The following GSDMC variants were observed in gnomAD, a reference collection of about 807,000 sequenced individuals.
The protein encoded by GSDMC is gasdermin-C.
Under a neutral mutation model 58.0 loss-of-function variants are expected in GSDMC, and 59 were observed. That is an observed-to-expected ratio of 1.02 (90% CI 0.82 to 1.26). The LOEUF is 1.26. GSDMC is among the 50% of genes most tolerant of loss of function. The pLI, the probability that GSDMC is intolerant of heterozygous loss-of-function variation, is 0.00. For missense variants in GSDMC, 659 were observed against 598.5 expected (o/e 1.10, Z -1.06); for synonymous variants, 241 against 220.2 (o/e 1.09, Z -0.83).
chr8:129,748,509 C>G lies in GSDMC; in HGVS notation c.1519G>C (p.Glu507Gln). 1 of 1,605,362 alleles carries G rather than the reference C, an allele frequency of 6.2e-7. No homozygotes were observed. The highest frequency in any genetic ancestry group is 1.7e-5 in the Admixed American group (1 of 59,288). ...GTLSLLQQLAEA is the reference protein window; with the variant it reads ...GTLSLLQQLAQA ...TGCCCATCAGGGAGGGCTTAGGCCTCAGCCAGCTGCTGCAGCAACGAGAGA... is the reference window on the plus strand; with the variant it reads ...TGCCCATCAGGGAGGGCTTAGGCCTGAGCCAGCTGCTGCAGCAACGAGAGA... The change falls in exon 14 of 14, where the codon GAG becomes CAG. Residue 507 changes from glutamate to glutamine, a missense_variant. Glu to Gln is a conservative substitution (Grantham distance 29). Transcript: ENST00000276708.
the GSDMC span, among the ~76,000 whole-genome samples, chr8:129,705,809 G>C: frequency 6.6e-6 from 1 of 152,182 alleles, no homozygotes; most frequent in African/African-American, 2.4e-5. Flanking sequence ...GTAGAAGAGA[G>C]GGGGCATAGA....
the GSDMC span, among the ~76,000 whole-genome samples, chr8:129,710,696 T>C: frequency 2.6e-5 from 4 of 152,234 alleles, no homozygotes; most frequent in Non-Finnish European, 4.4e-5. Flanking sequence ...AACTCAAGAA[T>C]GTCCCTTGAT....
At chr8:129,729,974 C>T in the GSDMC span, 12 of 1,513,262 alleles carry the variant, frequency 7.9e-6, no homozygotes, top group Middle Eastern at 2.4e-4. Flanking sequence ...CATGTAAATA[C>T]CATGGACAGT....
chr8:129,716,031 A>G, the GSDMC span, among the ~76,000 whole-genome samples: 2 of 152,200 alleles, frequency 1.3e-5, no homozygotes, highest in African/African-American at 4.8e-5. Context: ...AAATAAGCCA[A>G]CAAAGAAGAT....
chr8:129,776,786 A>G (rs967685192), intron 2 of GSDMC, among the ~76,000 whole-genome samples: 18 of 150,780 alleles, frequency 1.2e-4, no homozygotes, highest in African/African-American at 4.2e-4. Context: ...GTTTTGAGAC[A>G]GTCTCACTCT....
At chr8:129,736,519 C>T in the GSDMC span, among the ~76,000 whole-genome samples, 6 of 152,258 alleles carry the variant, frequency 3.9e-5, no homozygotes, top group East Asian at 1.9e-4. Flanking sequence ...ATCACATAAA[C>T]GGAACCATCG....
chr8:129,742,418 T>C, the GSDMC span, among the ~76,000 whole-genome samples: 1 of 152,176 alleles, frequency 6.6e-6, no homozygotes, highest in African/African-American at 2.4e-5. Context: ...AAAGTAATAT[T>C]CATTTTAGAA....
At chr8:129,768,929 T>C (rs2033957885) in intron 3 of GSDMC, among the ~76,000 whole-genome samples, 1 of 151,996 alleles carries the variant, frequency 6.6e-6, no homozygotes, top group South Asian at 2.1e-4. Context: ...AAAATAAAAA[T>C]TTAAGCAGGT....
Position 129,776,135 on chromosome 8 carries a change from A to T in GSDMC, c.371T>A (p.Ile124Asn). 1.2e-6 allele frequency: 2 copies of T among 1,613,862 alleles called. No homozygotes were observed. The highest frequency in any genetic ancestry group is 1.7e-6 in the Non-Finnish European group (2 of 1,179,916). Residue 124 changes from isoleucine (I) to asparagine (N), a missense_variant, in exon 3 of 14, where the codon ATC becomes AAC. Physicochemically the swap from Ile to Asn is moderately radical, Grantham distance 149. Coordinates refer to ENST00000276708, the MANE Select transcript of GSDMC (RefSeq NM_031415.3). The part of the protein sequence containing the change: ...GCSLEFQIVT[I>N]PSPNLEDFQK... Reference sequence around the variant, plus strand: ...AAAGTCTTCCAGGTTTGGTGATGGGATGGTAACAATTTGAAACTCGAGGGA... The same window carrying T: ...AAAGTCTTCCAGGTTTGGTGATGGGTTGGTAACAATTTGAAACTCGAGGGA...
At chr8:129,748,005 A>C (rs1043465917), downstream of GSDMC, among the ~76,000 whole-genome samples, 1 of 152,096 alleles carries the variant, frequency 6.6e-6, no homozygotes, top group Non-Finnish European at 1.5e-5. Context: ...CGGACTCACA[A>C]AATGTTTCCA....
chr8:129,783,568 A>G (rs988832198), intron 1 of GSDMC, among the ~76,000 whole-genome samples: 2 of 152,292 alleles, frequency 1.3e-5, no homozygotes, highest in Non-Finnish European at 2.9e-5. Context: ...GAAAACTATA[A>G]AACATTGATG....
At chr8:129,716,876 A>G in the GSDMC span, among the ~76,000 whole-genome samples, 5 of 152,340 alleles carry the variant, frequency 3.3e-5, no homozygotes, top group African/African-American at 9.6e-5. Context: ...TGACATAATC[A>G]TGTAGTTTTT....
intron 6 of GSDMC, among the ~76,000 whole-genome samples, chr8:129,757,557 A>G (rs2033489473): frequency 6.6e-6 from 1 of 152,152 alleles, no homozygotes. Flanking sequence ...CTATGAGGCC[A>G]GTATTACCCA....
At chr8:129,736,407 C>A in the GSDMC span, among the ~76,000 whole-genome samples, 2 of 152,248 alleles carry the variant, frequency 1.3e-5, no homozygotes, top group South Asian at 4.2e-4. Context: ...ACTGGCAAAC[C>A]AAATCCAGCA....
At chr8:129,781,181 T>C (rs973115952) in intron 1 of GSDMC, among the ~76,000 whole-genome samples, 1 of 152,140 alleles carries the variant, frequency 6.6e-6, no homozygotes, top group African/African-American at 2.4e-5. Context: ...ACTCACTTAT[T>C]AGTAATAACA....
the GSDMC span, among the ~76,000 whole-genome samples, chr8:129,721,142 C>A: frequency 1.3e-5 from 2 of 152,174 alleles, no homozygotes; most frequent in African/African-American, 4.8e-5. Context: ...ATTTTTCTTA[C>A]CTATTCACCA....
the GSDMC span, among the ~76,000 whole-genome samples, chr8:129,733,034 A>C: frequency 6.6e-6 from 1 of 152,250 alleles, no homozygotes; most frequent in Non-Finnish European, 1.5e-5. Flanking sequence ...AGCAGGTCCC[A>C]CACCCACGGA....
intron 4 of GSDMC, among the ~76,000 whole-genome samples, chr8:129,763,551 A>G (rs1475900356): frequency 6.6e-6 from 1 of 152,102 alleles, no homozygotes; most frequent in Admixed American, 6.5e-5. Flanking sequence ...ATTCAGGAGT[A>G]GTTAAATCTC....
chr8:129,726,201 G>T, the GSDMC span, among the ~76,000 whole-genome samples: 1 of 152,102 alleles, frequency 6.6e-6, no homozygotes, highest in African/African-American at 2.4e-5. Flanking sequence ...CATCATTCTG[G>T]TCTTACCTCC....
Sources: allele counts gnomAD v4.1 joint callset (sites outside exome capture counted in the v4.1 genomes callset), GRCh38; gene constraint gnomAD v4.1.1; transcripts MANE v1.5; gene names NCBI Gene and HGNC (gene_info 2026-07-23, HGNC 2026-07-21).